The following ETNK1 variants were observed in gnomAD, a reference collection of about 807,000 sequenced individuals.
ETNK1 encodes the protein ethanolamine kinase 1.
Under a neutral mutation model 45.1 loss-of-function variants are expected in ETNK1, and 8 were observed. That is an observed-to-expected ratio of 0.18 (90% confidence interval 0.10 to 0.32). ETNK1 has a LOEUF of 0.32. ETNK1 is among the 10% of genes least tolerant of loss of function. The pLI, the probability that ETNK1 is intolerant of heterozygous loss-of-function variation, is 1.00. For missense variants in ETNK1, 302 were observed against 430.6 expected (o/e 0.70, Z 2.64); for synonymous variants, 152 against 151.9 (o/e 1.00, Z -0.01).
intron 2 of ETNK1, among the ~76,000 whole-genome samples, chr12:22,649,673 C>G (rs185346074): frequency 7.9e-5 from 12 of 152,120 alleles, no homozygotes; most frequent in African/African-American, 2.9e-4. Context: ...TCTTGTCTTT[C>G]AATATTGTGT....
rs1592139751 is a variant in ETNK1 at position 22,685,139 on chromosome 12, A to C, written c.*185A>C. ...CTGAATGATGTCAAGAAATATACCT[A>C]CTGCTATCCGTATGTGGTGGATTAG... is the stretch of plus-strand genomic sequence containing the variant. On this transcript the variant is annotated 3_prime_UTR_variant, in exon 8 of 8. Transcript: ENST00000266517. 4.0e-6 allele frequency: 2 copies of C among 498,106 alleles called. No homozygotes were observed. The highest frequency in any genetic ancestry group is 7.1e-6 in the Non-Finnish European group (2 of 282,162). The allele number at this position is 498,106 out of a possible 1,614,324, so 30.9% of individuals were successfully genotyped here.
intron 1 of ETNK1, among the ~76,000 whole-genome samples, chr12:22,626,918 G>T (rs1953509049): frequency 6.6e-6 from 1 of 152,090 alleles, no homozygotes; most frequent in Non-Finnish European, 1.5e-5. Flanking sequence ...CAATTTGTTT[G>T]TATTTTATTA....
intron 2 of ETNK1, among the ~76,000 whole-genome samples, chr12:22,654,585 T>C: frequency 6.6e-6 from 1 of 152,198 alleles, no homozygotes; most frequent in East Asian, 1.9e-4. Context: ...CTGACTCTAA[T>C]TTAGAATATA....
Position 22,688,648 on chromosome 12 carries a change from G to A in ETNK1, c.*3694G>A, listed in dbSNP as rs1954280434. 1.3e-5 allele frequency: 2 copies of A among 152,254 alleles called. No individual in the cohort carries two copies. The highest frequency in any genetic ancestry group is 3.0e-5 in the Non-Finnish European group (2 of 67,788). The allele number at this position is 152,254 out of a possible 1,614,324, so 9.4% of individuals were successfully genotyped here. A position where few individuals can be genotyped will look rare whatever the true frequency, so the allele number is the denominator to read the frequency against. ...CATTCAGTTGATAGACAAAGTTAGC[G>A]ATGCTTTATGCTAGGAAACTTGTTG... On this transcript the variant is annotated 3_prime_UTR_variant, in exon 8 of 8. Coordinates refer to ENST00000266517, the MANE Select transcript of ETNK1 (RefSeq NM_018638.5).
In ETNK1 at chr12:22,688,511, A is replaced by G. The variant is rs1954278557; in HGVS notation, c.*3557A>G. The G allele has an allele frequency of 6.6e-6, 1 of 152,316 alleles. No homozygotes were observed. The highest frequency in any genetic ancestry group is 1.9e-4 in the East Asian group (1 of 5,200). The allele number at this position is 152,316 out of a possible 1,614,324, so 9.4% of individuals were successfully genotyped here. A position where few individuals can be genotyped will look rare whatever the true frequency, so the allele number is the denominator to read the frequency against. Reference sequence around the variant, plus strand: ...CAGAAGCCTTCTGTACCATTTTACGAATTTCTGTCTTCATAATATAAGTGA... The same window carrying G: ...CAGAAGCCTTCTGTACCATTTTACGGATTTCTGTCTTCATAATATAAGTGA... On this transcript the variant is annotated 3_prime_UTR_variant, in exon 8 of 8. Coordinates refer to ENST00000266517, the MANE Select transcript of ETNK1 (RefSeq NM_018638.5).
At chr12:22,625,611 G>A in intron 1 of ETNK1, 25 bp downstream of exon 1, 3 of 1,550,664 alleles carry the variant, frequency 1.9e-6, no homozygotes, top group Non-Finnish European at 2.6e-6. Context: ...TCAGCTCTGG[G>A]TCTCTTATGC....
Position 22,643,883 on chromosome 12 carries a change from GAAGTA to G in ETNK1, c.281_285del (p.Val94GlufsTer20). On this transcript the variant is annotated frameshift_variant, in exon 2 of 8. Coordinates refer to ENST00000266517, the MANE Select transcript of ETNK1 (RefSeq NM_018638.5). LOFTEE classifies it high-confidence loss of function. ...TGAGTTATTAGTCGATCGAGATGAG[GAAGTA>G]AAGAGTTTTCGAGTGTTGCAGGCTC... 6.2e-7 allele frequency: 1 copy of G among 1,613,532 alleles called. No individual in the cohort carries two copies. Among genetic ancestry groups the G allele is most frequent in the Non-Finnish European group, 8.5e-7 (1 of 1,179,554 alleles).
chr12:22,674,238 GAAT>G (rs1159568101), intron 6 of ETNK1, among the ~76,000 whole-genome samples: 1 of 152,010 alleles, frequency 6.6e-6, no homozygotes, highest in Admixed American at 6.6e-5. Flanking sequence ...TATCTTTTGA[GAAT>G]AATATGATAC....
At chr12:22,640,117 A>T (rs1028827808) in intron 1 of ETNK1, among the ~76,000 whole-genome samples, 2 of 152,208 alleles carry the variant, frequency 1.3e-5, no homozygotes, top group African/African-American at 4.8e-5. Context: ...TTTAAATTGT[A>T]TTTTTAACCA....
At chr12:22,678,301 A>G (rs1954179978) in intron 6 of ETNK1, among the ~76,000 whole-genome samples, 1 of 152,206 alleles carries the variant, frequency 6.6e-6, no homozygotes, top group Non-Finnish European at 1.5e-5. Flanking sequence ...TCACTGCTGT[A>G]AAAAGAAAAT....
rs1314365010 is a variant in ETNK1, at chr12:22,688,042, C to T, written c.*3088C>T. 1 of 152,176 alleles carries T rather than the reference C, an allele frequency of 6.6e-6. No individual in the cohort carries two copies. The highest frequency in any genetic ancestry group is 2.4e-5 in the African/African-American group (1 of 41,400). 9.4% of individuals were successfully genotyped at this position (152,176 alleles called of 1,614,324 possible). A position where few individuals can be genotyped will look rare whatever the true frequency, so the allele number is the denominator to read the frequency against. ...GATTCCTGGAAGCAGTGAATTTATA[C>T]ACTGTTATATTAATAGAGCTCCGTT... On this transcript the variant is annotated 3_prime_UTR_variant, in exon 8 of 8. Transcript: ENST00000266517.
chr12:22,637,216 GTC>G (rs1337277333), intron 1 of ETNK1, among the ~76,000 whole-genome samples: 5 of 152,340 alleles, frequency 3.3e-5, no homozygotes, highest in Admixed American at 6.5e-5. Context: ...AGCCGGGGCA[GTC>G]ATAGAGTTCA....
In ETNK1 at chr12:22,666,016, A is replaced by G. The variant is rs188387666; in HGVS notation, c.700+4811A>G. Among the ~76,000 whole-genome samples the G allele has an allele frequency of 1.8e-4, 28 of 152,274 alleles. No homozygotes were observed. In the East Asian group the frequency reaches 5.4e-3, roughly 29 times the overall value. On this transcript the variant is annotated intron_variant, in intron 4 of 7. Coordinates refer to ENST00000266517, the MANE Select transcript of ETNK1 (RefSeq NM_018638.5). ...TATTTACACACAAGGCACACATACTATGAGCACCCTGCAGTTTGTAGGCAT... is the reference window on the plus strand; with the variant it reads ...TATTTACACACAAGGCACACATACTGTGAGCACCCTGCAGTTTGTAGGCAT...
chr12:22,644,285 T>G, intron 2 of ETNK1: 1 of 1,601,600 alleles, frequency 6.2e-7, no homozygotes. Context: ...GGGTCAAGGC[T>G]TCTGCTTAGT....
At chr12:22,656,556 C>T (rs146316342) in intron 2 of ETNK1, 7 of 985,284 alleles carry the variant, frequency 7.1e-6, no homozygotes, top group Non-Finnish European at 8.4e-6. Context: ...ACTACTGTGC[C>T]GAGCCCTCCA....
intron 2 of ETNK1, among the ~76,000 whole-genome samples, chr12:22,651,963 G>A (rs1011418608): frequency 6.6e-6 from 1 of 152,082 alleles, no homozygotes; most frequent in African/African-American, 2.4e-5. Context: ...TGGGATTACA[G>A]GCGTGAGCCA....
Position 22,625,568 on chromosome 12 carries a change from C to T in ETNK1, c.138C>T (p.Pro46=). The change falls in exon 1 of 8, where the codon CCC becomes CCT. Residue 46 remains proline (P), a synonymous_variant. Coordinates refer to ENST00000266517, the MANE Select transcript of ETNK1 (RefSeq NM_018638.5). ...LLQHLRPHWD[P]QEVTLQLFTD... ...AACACCTGCGGCCTCACTGGGACCC[C>T]CAGGAGGTGACCCTGCAGGTAACGC... is the stretch of plus-strand genomic sequence containing the variant. 2 of 1,595,240 alleles carry T rather than the reference C, an allele frequency of 1.3e-6. No homozygotes were observed. Among genetic ancestry groups the T allele is most frequent in the East Asian group, 2.3e-5 (1 of 44,264 alleles).
rs146597393 is a variant in ETNK1, at chr12:22,689,340, A to G, written c.*4386A>G. The stretch of plus-strand genomic sequence containing the variant: ...AAATTTTCTTTCTCTTCTATACTTT[A>G]TGCACTTACTATACTACTGATGTAA... On this transcript the variant is annotated 3_prime_UTR_variant, in exon 8 of 8. Coordinates refer to ENST00000266517, the MANE Select transcript of ETNK1 (RefSeq NM_018638.5). 524 of 152,048 alleles carry G rather than the reference A, an allele frequency of 3.4e-3. 3 individuals are homozygous for G. The highest frequency in any genetic ancestry group is 0.012 in the African/African-American group (513 of 41,542). 9.4% of individuals were successfully genotyped at this position (152,048 alleles called of 1,614,324 possible). A position where few individuals can be genotyped will look rare whatever the true frequency, so the allele number is the denominator to read the frequency against.
chr12:22,625,290 G>C lies in ETNK1; in HGVS notation c.-141G>C. On this transcript the variant is annotated 5_prime_UTR_variant, in exon 1 of 8. Transcript: ENST00000266517. Reference sequence around the variant, plus strand: ...TGCCGCCTCCAGACGTTCTCCTGCCGCTCGCCCGCCCGTCCCAGCGCCCCC... The same window carrying C: ...TGCCGCCTCCAGACGTTCTCCTGCCCCTCGCCCGCCCGTCCCAGCGCCCCC... The C allele has an allele frequency of 6.2e-7, 1 of 1,607,720 alleles. No homozygotes were observed. Among genetic ancestry groups the C allele is most frequent in the Non-Finnish European group, 8.5e-7 (1 of 1,177,900 alleles).
Sources: gnomAD v4.1 joint callset for allele counts (sites outside exome capture counted in the v4.1 genomes callset) on GRCh38, gnomAD v4.1.1 for gene constraint, MANE v1.5 for transcripts, NCBI Gene and HGNC (gene_info 2026-07-23, HGNC 2026-07-21) for gene names.